The following GLRA1 variants were observed in gnomAD, a reference collection of about 807,000 sequenced individuals.
GLRA1 encodes glycine receptor subunit alpha-1.
Under a neutral mutation model 48.3 loss-of-function variants are expected in GLRA1, and 37 were observed. The observed-to-expected ratio is 0.77, with a 90% CI of 0.59 to 1.01. The LOEUF (loss-of-function observed/expected upper bound fraction) is 1.01. GLRA1 is among the 50% of genes least tolerant of loss of function. The probability of loss-of-function intolerance (pLI) is 0.00; values close to 1 mark genes in which losing one functional copy is unlikely to be tolerated. For synonymous variants in GLRA1, 196 were observed against 210.7 expected (o/e 0.93, Z 0.60); for missense variants, 427 against 571.0 (o/e 0.75, Z 2.57).
intron 7 of GLRA1, among the ~76,000 whole-genome samples, chr5:151,831,654 G>C (rs1229594764): frequency 6.6e-6 from 1 of 152,180 alleles, no homozygotes; most frequent in East Asian, 1.9e-4. Context: ...CTCCAGTCAG[G>C]GGCTTATAGA....
At chr5:151,902,362 TCA>T (rs760580060) in intron 1 of GLRA1, among the ~76,000 whole-genome samples, 7 of 151,946 alleles carry the variant, frequency 4.6e-5, no homozygotes, top group African/African-American at 2.4e-5. Flanking sequence ...CCAGAACCAA[TCA>T]CGGTACGGAC....
At chr5:151,828,195 A>AAG (rs1202200022) in intron 8 of GLRA1, among the ~76,000 whole-genome samples, 4 of 152,194 alleles carry the variant, frequency 2.6e-5, no homozygotes, top group Non-Finnish European at 4.4e-5. Context: ...AGTACAGGGA[A>AAG]AGAGAACAAG....
chr5:151,859,704 C>A (rs2113358665), intron 4 of GLRA1, 81 bp downstream of exon 4: 1 of 1,062,180 alleles, frequency 9.4e-7, no homozygotes, highest in Non-Finnish European at 1.5e-6. Flanking sequence ...TGTTTGGCCC[C>A]TCTTTTAGAG....
intron 8 of GLRA1, 115 bp downstream of exon 8, chr5:151,828,806 G>A (rs1581597088): frequency 9.2e-7 from 1 of 1,090,712 alleles, no homozygotes; most frequent in Non-Finnish European, 1.3e-6. Context: ...TTTCTAACCT[G>A]CCTTGCACAT....
At chr5:151,856,160 A>T (rs1753036323) in intron 5 of GLRA1, 141 bp downstream of exon 5, 2 of 649,384 alleles carry the variant, frequency 3.1e-6, no homozygotes, top group Non-Finnish European at 5.8e-6. Flanking sequence ...TCTAAAAGCA[A>T]AGTCCTTCAT....
At chr5:151,888,434 G>T (rs576053756) in intron 2 of GLRA1, among the ~76,000 whole-genome samples, 8 of 152,322 alleles carry the variant, frequency 5.3e-5, no homozygotes, top group African/African-American at 1.9e-4. Context: ...AATCTGGAGA[G>T]AGAGTAAGTA....
intron 1 of GLRA1, 151 bp downstream of exon 1, chr5:151,924,343 G>T: frequency 1.5e-6 from 1 of 669,770 alleles, no homozygotes; most frequent in East Asian, 2.7e-5. Context: ...GGTGGGAGGG[G>T]GGAGAAGGGA....
chr5:151,871,323 A>G (rs996956455), intron 3 of GLRA1, among the ~76,000 whole-genome samples: 2 of 149,580 alleles, frequency 1.3e-5, no homozygotes, highest in Non-Finnish European at 2.9e-5. Flanking sequence ...GGAAAAAGGA[A>G]CAACAACAAA....
intron 2 of GLRA1, among the ~76,000 whole-genome samples, chr5:151,891,771 C>T (rs1332846346): frequency 1.3e-5 from 2 of 152,160 alleles, no homozygotes; most frequent in Non-Finnish European, 2.9e-5. Flanking sequence ...GTTGGGAGCC[C>T]ATTATTGAAA....
intron 4 of GLRA1, among the ~76,000 whole-genome samples, chr5:151,859,353 A>G (rs1215667189): frequency 2.0e-5 from 3 of 152,226 alleles, no homozygotes; most frequent in African/African-American, 7.2e-5. Context: ...GATAGATTTT[A>G]TAGAAGGGAG....
intron 1 of GLRA1, among the ~76,000 whole-genome samples, chr5:151,920,390 C>T (rs766080356): frequency 5.3e-5 from 8 of 152,238 alleles, no homozygotes; most frequent in East Asian, 1.9e-4. Flanking sequence ...CTTCTCTTCC[C>T]GCTGCACCAC....
chr5:151,849,805 T>G, intron 7 of GLRA1: 1 of 1,060,470 alleles, frequency 9.4e-7, no homozygotes, highest in South Asian at 1.9e-5. Flanking sequence ...CCAACTGCCT[T>G]GGCCTCCCAG....
intron 3 of GLRA1, among the ~76,000 whole-genome samples, chr5:151,881,024 C>A (rs568496712): frequency 6.6e-6 from 1 of 152,210 alleles, no homozygotes; most frequent in Non-Finnish European, 1.5e-5. Context: ...TATATCCATA[C>A]CTATAGATCA....
At chr5:151,823,047 G>T in intron 8 of GLRA1, 84 bp from the exon 9 acceptor site, 1 of 1,225,460 alleles carries the variant, frequency 8.2e-7, no homozygotes, top group Non-Finnish European at 1.1e-6. Context: ...TTGGGGGCCA[G>T]GCCATGCCTA....
chr5:151,849,981 C>T (rs950004352), intron 7 of GLRA1: 15 of 1,596,290 alleles, frequency 9.4e-6, no homozygotes, highest in East Asian at 4.5e-5. Flanking sequence ...GTGAAGTTTT[C>T]GAGTACAACC....
At chr5:151,893,479 A>G (rs566606899) in intron 1 of GLRA1, among the ~76,000 whole-genome samples, 16 of 152,068 alleles carry the variant, frequency 1.1e-4, no homozygotes, top group African/African-American at 3.6e-4. Context: ...CTCTTGCATT[A>G]GATATTTGTC....
At chr5:151,860,621 T>C (rs1753171774) in intron 3 of GLRA1, among the ~76,000 whole-genome samples, 1 of 152,226 alleles carries the variant, frequency 6.6e-6, no homozygotes, top group African/African-American at 2.4e-5. Flanking sequence ...CTAGGGTTCA[T>C]CCCATTCGCT....
intron 3 of GLRA1, among the ~76,000 whole-genome samples, chr5:151,884,058 G>T (rs1753833747): frequency 1.3e-5 from 2 of 152,164 alleles, no homozygotes; most frequent in African/African-American, 4.8e-5. Flanking sequence ...TGTTGGGGCT[G>T]CAGTGTCAAG....
At chr5:151,923,221 A>G (rs946644036) in intron 1 of GLRA1, among the ~76,000 whole-genome samples, 24 of 152,348 alleles carry the variant, frequency 1.6e-4, no homozygotes, top group African/African-American at 5.3e-4. Context: ...CTTCATCTCA[A>G]GAGACATGAA....
Sources: allele counts gnomAD v4.1 joint callset (sites outside exome capture counted in the v4.1 genomes callset), GRCh38; gene constraint gnomAD v4.1.1; transcripts MANE v1.5; gene names NCBI Gene and HGNC (gene_info 2026-07-23, HGNC 2026-07-21).